Variants in UGT2B7 observed in about 807,000 individuals in gnomAD.
UGT2B7 encodes UDP glucuronosyltransferase family 2 member B7.
A neutral mutation model predicts 51.9 loss-of-function variants in UGT2B7; 51 were observed. The ratio of observed to expected loss-of-function variants is 0.98; its 90% CI spans 0.78 to 1.24. The LOEUF is 1.24. Among genes scored for constraint, UGT2B7 ranks in the 50% most tolerant of loss-of-function variants. The pLI, the probability that UGT2B7 is intolerant of heterozygous loss-of-function variation, is 0.00. For synonymous variants in UGT2B7, 225 were observed against 211.6 expected, an observed-to-expected ratio of 1.06 and a Z score of -0.55; for missense variants, 727 against 628.4, an observed-to-expected ratio of 1.16 and a Z score of -1.68.
At chr4:69,060,847 GATA>G (rs894007613) in intron 1 of UGT2B7, among the ~76,000 whole-genome samples, 24 of 152,294 alleles carry the variant, frequency 1.6e-4, no homozygotes, top group African/African-American at 5.8e-4. Context: ...GCTCCTATGT[GATA>G]ATCCCTGTGT....
intron 1 of UGT2B7, among the ~76,000 whole-genome samples, chr4:69,063,620 C>T (rs1577908168): frequency 6.6e-6 from 1 of 152,136 alleles, no homozygotes; most frequent in East Asian, 1.9e-4. Flanking sequence ...TGAATTGCTG[C>T]CTAGAAATTA....
intron 1 of UGT2B7, among the ~76,000 whole-genome samples, chr4:69,064,587 A>G (rs1718448424): frequency 6.6e-6 from 1 of 152,194 alleles, no homozygotes; most frequent in African/African-American, 2.4e-5. Context: ...CAATTTGATT[A>G]ATTGTTCTCC....
chr4:69,053,715 T>C (rs1288578012), intron 1 of UGT2B7, among the ~76,000 whole-genome samples: 1 of 152,120 alleles, frequency 6.6e-6, no homozygotes, highest in Non-Finnish European at 1.5e-5. Flanking sequence ...CAGCATTCCT[T>C]AGAGACCTGA....
intron 1 of UGT2B7, among the ~76,000 whole-genome samples, chr4:69,057,594 G>C (rs1718234955): frequency 6.6e-6 from 1 of 152,136 alleles, no homozygotes; most frequent in African/African-American, 2.4e-5. Flanking sequence ...ATTCATAACA[G>C]CACTATTACA....
chr4:69,073,017 G>A (rs1560501968), intron 1 of UGT2B7, among the ~76,000 whole-genome samples: 1 of 152,052 alleles, frequency 6.6e-6, no homozygotes, highest in African/African-American at 2.4e-5. Context: ...CTTAGAGTTG[G>A]CCCACTGGGT....
At chr4:69,052,586 A>ACTT (rs1475221042) in intron 1 of UGT2B7, among the ~76,000 whole-genome samples, 2 of 48,236 alleles carry the variant, frequency 4.1e-5, no homozygotes, top group African/African-American at 3.8e-4. Context: ...AAAAAAAAAA[A>ACTT]AAAAAAGAAG....
upstream of UGT2B7, among the ~76,000 whole-genome samples, chr4:69,095,336 A>C (rs1395817596): frequency 4.6e-5 from 7 of 152,306 alleles, no homozygotes; most frequent in East Asian, 1.4e-3. Flanking sequence ...AAGTCATCAG[A>C]ACAAGAAACT....
intron 1 of UGT2B7, among the ~76,000 whole-genome samples, chr4:69,084,907 G>T (rs1718915417): frequency 6.6e-6 from 1 of 152,110 alleles, no homozygotes; most frequent in African/African-American, 2.4e-5. Context: ...CCTTGCTATT[G>T]TGAATAATGC....
intron 1 of UGT2B7, 96 bp from the exon 2 acceptor site, chr4:69,098,444 C>G: frequency 7.2e-7 from 1 of 1,393,100 alleles, no homozygotes; most frequent in Non-Finnish European, 9.7e-7. Flanking sequence ...CAGATATTTG[C>G]CTACATTTTT....
intron 1 of UGT2B7, among the ~76,000 whole-genome samples, chr4:69,080,358 GA>G (rs1718807889): frequency 6.6e-6 from 1 of 151,880 alleles, no homozygotes; most frequent in Non-Finnish European, 1.5e-5. Context: ...GACCAGACTG[GA>G]CAATGCGGTA....
Position 69,080,731 on chromosome 4 carries a change from T to C in UGT2B7, c.-158-8741T>C, listed in dbSNP as rs189372389. Among the ~76,000 whole-genome samples the C allele has an allele frequency of 2.9e-3, 435 of 152,210 alleles. 3 individuals carry two copies. The highest frequency in any genetic ancestry group is 9.9e-3 in the African/African-American group (411 of 41,548). Reference sequence around the variant, plus strand: ...TCATCTGAAAAAAATTAAATGCAATTGACTTTCTGTACTAAACATTCTTCT... The same window carrying C: ...TCATCTGAAAAAAATTAAATGCAATCGACTTTCTGTACTAAACATTCTTCT... On this transcript the variant is annotated intron_variant, in intron 1 of 5. Transcript: ENST00000502942.
At position 69,101,348 on chromosome 4, in the gene UGT2B7, AT is replaced by A. The variant is rs551441529; in HGVS notation, c.871-1452del. Among the ~76,000 whole-genome samples, 597 of 152,110 alleles carry A rather than the reference AT, an allele frequency of 3.9e-3. 5 individuals are homozygous for A. The highest frequency in any genetic ancestry group is 0.014 in the African/African-American group (576 of 41,526). ...TTTTAGAAAAATTTTATTTAAAAAA[AT>A]TTTTTTCATGCTTTTATAAAATTTC... On this transcript the variant is annotated intron_variant, in intron 2 of 5. Transcript: ENST00000305231.
chr4:69,063,145 C>T (rs1325325949), intron 1 of UGT2B7, among the ~76,000 whole-genome samples: 2 of 151,158 alleles, frequency 1.3e-5, no homozygotes, highest in Admixed American at 6.6e-5. Flanking sequence ...CGGTGAAACC[C>T]CGTCTCTACT....
chr4:69,063,739 T>C (rs928862174), intron 1 of UGT2B7, among the ~76,000 whole-genome samples: 31 of 152,230 alleles, frequency 2.0e-4, no homozygotes, highest in Admixed American at 9.2e-4. Context: ...TCTTAGGAGG[T>C]TGGTTTTCAT....
intron 2 of UGT2B7, among the ~76,000 whole-genome samples, chr4:69,102,157 T>C (rs1379965484): frequency 1.3e-5 from 2 of 152,218 alleles, no homozygotes; most frequent in African/African-American, 4.8e-5. Context: ...GACTCCAGAA[T>C]GTCAGCGGTT....
rs1719817798 is a variant in UGT2B7 at position 69,112,730 on chromosome 4, TG to T, written c.1585del (p.Asp529IlefsTer5). 1 of 1,613,308 alleles carries T rather than the reference TG, an allele frequency of 6.2e-7. No homozygotes were observed. Among genetic ancestry groups the T allele is most frequent in the African/African-American group, 1.3e-5 (1 of 74,718 alleles). ...CTAGAAAAGCAAAGAAGGGAAAAAA[TG>T]ATTAGTTATATCTGAGATTTGAAGC... ...FARKAKKGKND is the reference protein window; with the variant it reads ...FARKAKKGKNX On this transcript the variant is annotated frameshift_variant, in exon 6 of 6. Transcript: ENST00000305231. LOFTEE classifies it high-confidence loss of function.
chr4:69,074,315 T>A (rs757228714), intron 1 of UGT2B7, among the ~76,000 whole-genome samples: 17 of 151,832 alleles, frequency 1.1e-4, no homozygotes, highest in Non-Finnish European at 2.2e-4. Context: ...CACTCCAGCC[T>A]GGACAGCAGA....
intron 1 of UGT2B7, among the ~76,000 whole-genome samples, chr4:69,077,576 C>CT (rs1237511753): frequency 4.4e-5 from 6 of 135,508 alleles, no homozygotes; most frequent in Non-Finnish European, 9.4e-5. Context: ...CATGATTTGG[C>CT]TCTCTTTTTT....
At chr4:69,084,584 A>G (rs1718908109) in intron 1 of UGT2B7, among the ~76,000 whole-genome samples, 1 of 152,034 alleles carries the variant, frequency 6.6e-6, no homozygotes. Context: ...CCACACACGA[A>G]TTAGGTATTT....
Sources: allele counts gnomAD v4.1 joint callset (sites outside exome capture counted in the v4.1 genomes callset), GRCh38; gene constraint gnomAD v4.1.1; transcripts MANE v1.5; gene names NCBI Gene and HGNC (gene_info 2026-07-23, HGNC 2026-07-21).